VTI1B: variants seen among roughly 807,000 people sequenced by gnomAD.
VTI1B encodes vesicle transport through interaction with t-SNAREs homolog 1B.
A neutral mutation model predicts 28.6 loss-of-function variants in VTI1B; 18 were observed. The ratio of observed to expected loss-of-function variants is 0.63; its 90% CI spans 0.43 to 0.93. The LOEUF is 0.93. Among genes scored for constraint, VTI1B ranks in the 40% least tolerant of loss-of-function variants. VTI1B has a pLI of 0.00. For synonymous variants in VTI1B, 100 were observed against 107.9 expected (o/e 0.93, Z 0.46); for missense variants, 283 against 297.0 (o/e 0.95, Z 0.35).
chr14:67,659,469 CTG>C (rs1018609167), intron 3 of VTI1B, among the ~76,000 whole-genome samples: 8 of 151,308 alleles, frequency 5.3e-5, no homozygotes, highest in African/African-American at 1.9e-4. Context: ...ATACAAAGCA[CTG>C]TTTTTTTTTT....
chr14:67,651,447 T>C lies in VTI1B; in HGVS notation c.637A>G (p.Ile213Val), dbSNP rs1199905824. 1 of 1,613,844 alleles carries C rather than the reference T, an allele frequency of 6.2e-7. No homozygotes were observed. The highest frequency in any genetic ancestry group is 1.3e-5 in the African/African-American group (1 of 75,020). Residue 213 changes from isoleucine to valine, a missense_variant, in exon 6 of 6, where the codon ATC becomes GTC. Physicochemically the swap from Ile to Val is conservative, Grantham distance 29. Transcript: ENST00000554659. ...TTNKLLLSII[I>V]LLELAILGGL... The stretch of plus-strand genomic sequence containing the variant: ...CCCAGGATGGCGAGCTCCAGTAAGA[T>C]GATAATGGAAAGCAGCAGCTTGTTG...
At chr14:67,663,095 T>G in intron 1 of VTI1B, 3 of 1,507,030 alleles carry the variant, frequency 2.0e-6, no homozygotes, top group Non-Finnish European at 2.6e-6. Flanking sequence ...GGCAATGACT[T>G]GAACGATGAG....
At chr14:67,655,747 C>A (rs1269923897) in intron 4 of VTI1B, among the ~76,000 whole-genome samples, 1 of 152,166 alleles carries the variant, frequency 6.6e-6, no homozygotes, top group African/African-American at 2.4e-5. Flanking sequence ...GCTTTGAATC[C>A]TTAAGTGCCT....
At chr14:67,660,554 T>C (rs1346174500) in intron 2 of VTI1B, among the ~76,000 whole-genome samples, 1 of 152,204 alleles carries the variant, frequency 6.6e-6, no homozygotes. Flanking sequence ...TTAAAAATGA[T>C]AGGGGTCTGG....
At chr14:67,658,471 C>T (rs557076555) in intron 3 of VTI1B, among the ~76,000 whole-genome samples, 4 of 152,228 alleles carry the variant, frequency 2.6e-5, no homozygotes, top group East Asian at 1.9e-4. Context: ...GTGGTGGGCG[C>T]CTGTAGTCCC....
intron 1 of VTI1B, among the ~76,000 whole-genome samples, chr14:67,663,678 T>A (rs1051899837): frequency 6.6e-6 from 1 of 151,884 alleles, no homozygotes; most frequent in Non-Finnish European, 1.5e-5. Context: ...CATTTCAAAA[T>A]AAATAAATAA....
At position 67,651,272 on chromosome 14, in the gene VTI1B, T is replaced by C. The variant is rs1469803432; in HGVS notation, c.*113A>G. ...CTCCTCCCACAGCCTGGCTATACAG[T>C]GCATCCTTGAACTGTCAGCCCACAG... On this transcript the variant is annotated 3_prime_UTR_variant, in exon 6 of 6. Coordinates refer to ENST00000554659, the MANE Select transcript of VTI1B (RefSeq NM_006370.3). 1.9e-6 allele frequency: 3 copies of C among 1,588,566 alleles called. No homozygotes were observed. The highest frequency in any genetic ancestry group is 2.6e-6 in the Non-Finnish European group (3 of 1,168,200).
chr14:67,653,671 A>C (rs1327894621), intron 4 of VTI1B, among the ~76,000 whole-genome samples, 173 bp from the exon 5 acceptor site: 2 of 152,234 alleles, frequency 1.3e-5, no homozygotes, highest in African/African-American at 4.8e-5. Context: ...AAAGGACAAG[A>C]TATTTTAGTA....
At chr14:67,664,952 C>T (rs2037382257) in intron 1 of VTI1B, among the ~76,000 whole-genome samples, 1 of 152,158 alleles carries the variant, frequency 6.6e-6, no homozygotes, top group African/African-American at 2.4e-5. Flanking sequence ...CTGCAAACTC[C>T]AACTCCTGGG....
chr14:67,660,711 T>C (rs2037323675), intron 2 of VTI1B, among the ~76,000 whole-genome samples: 1 of 152,210 alleles, frequency 6.6e-6, no homozygotes. Context: ...ATGTAACACC[T>C]GGACACATCC....
Position 67,664,522 on chromosome 14 carries a change from A to G in VTI1B, c.116-1987T>C, listed in dbSNP as rs1440219483. ...AATTTTTTTTTTTTTCTTGAGACAGAGTCTTGCTCTGTCTCCCAGGCTGGA... is the reference window on the plus strand; with the variant it reads ...AATTTTTTTTTTTTTCTTGAGACAGGGTCTTGCTCTGTCTCCCAGGCTGGA... On this transcript the variant is annotated intron_variant, in intron 1 of 5. Coordinates refer to ENST00000554659, the MANE Select transcript of VTI1B (RefSeq NM_006370.3). 2.0e-5 allele frequency among the ~76,000 whole-genome samples: 3 copies of G among 148,898 alleles called. No homozygotes were observed. The East Asian group carries it at 5.9e-4, about 29-fold the overall frequency.
chr14:67,664,421 A>G (rs1203042484), intron 1 of VTI1B, among the ~76,000 whole-genome samples: 1 of 152,108 alleles, frequency 6.6e-6, no homozygotes, highest in Admixed American at 6.5e-5. Context: ...GTATGGGGAT[A>G]TGGCCTTTTA....
chr14:67,662,855 A>T (rs1366250650), intron 1 of VTI1B, among the ~76,000 whole-genome samples: 1 of 144,122 alleles, frequency 6.9e-6, no homozygotes, highest in African/African-American at 2.6e-5. Flanking sequence ...ATGAGCCGAG[A>T]TTGCGCCATT....
In VTI1B at chr14:67,673,490, T is replaced by TC. The variant is rs555654703; in HGVS notation, c.115+884dup. On this transcript the variant is annotated intron_variant, in intron 1 of 5. Coordinates refer to ENST00000554659, the MANE Select transcript of VTI1B (RefSeq NM_006370.3). Reference sequence around the variant, plus strand: ...ACCCACTAGAATGGGGATGTTCGTATCTTTTTCACTGTAATTTGCAATATT... The same window carrying TC: ...ACCCACTAGAATGGGGATGTTCGTATCCTTTTTCACTGTAATTTGCAATATT... Among the ~76,000 whole-genome samples the TC allele has an allele frequency of 6.8e-3, 1,039 of 152,350 alleles. 9 individuals carry two copies. Among genetic ancestry groups the TC allele is most frequent in the Non-Finnish European group, 7.9e-3 (535 of 68,044 alleles).
chr14:67,674,376 G>A lies in VTI1B; in HGVS notation c.114C>T (p.Thr38=), dbSNP rs776719607. The change falls in exon 1 of 6, where the codon ACC becomes ACT. Residue 38 remains threonine (T), a splice_region_variant and synonymous_variant. Transcript: ENST00000554659. ...CGGCGTGGCCCACCCCCGCCTCACC[G>A]GTCCCCGCCGTCCCCAGCAGCCGCT... ...VPERLLGTAG[T]EEKKKLIRDF... The A allele has an allele frequency of 2.5e-6, 4 of 1,591,380 alleles. No individual in the cohort carries two copies. The highest frequency in any genetic ancestry group is 1.8e-5 in the Admixed American group (1 of 56,938).
Position 67,651,395 on chromosome 14 carries a change from C to T in VTI1B, c.689G>A (p.Arg230His), listed in dbSNP as rs747340036. The T allele has an allele frequency of 2.5e-5, 40 of 1,613,562 alleles. No homozygotes were observed. The highest frequency in any genetic ancestry group is 1.1e-4 in the East Asian group (5 of 44,868). The change falls in exon 6 of 6, where the codon CGC (arginine) becomes CAC (histidine). Residue 230 changes from arginine to histidine, a missense_variant. Arg to His is a conservative substitution (Grantham distance 29). Coordinates refer to ENST00000554659, the MANE Select transcript of VTI1B (RefSeq NM_006370.3). ...CTTCCCTATAGAAGTTCAATGGCTG[C>T]GAAAGAATTTGTAGTAAACCAGGCC... is the stretch of plus-strand genomic sequence containing the variant. ...LGGLVYYKFF[R>H]SH
chr14:67,662,030 C>A (rs539854881), intron 2 of VTI1B, among the ~76,000 whole-genome samples: 2 of 152,094 alleles, frequency 1.3e-5, no homozygotes, highest in Non-Finnish European at 2.9e-5. Flanking sequence ...GTGGCGCCCA[C>A]CTGTATTCCC....
intron 5 of VTI1B, among the ~76,000 whole-genome samples, chr14:67,652,884 C>T (rs573237998): frequency 5.3e-5 from 8 of 152,178 alleles, no homozygotes; most frequent in African/African-American, 1.7e-4. Flanking sequence ...ACCTCCACCC[C>T]CCAGGTTCAA....
At chr14:67,658,191 G>A (rs111433177) in intron 3 of VTI1B, among the ~76,000 whole-genome samples, 78 of 150,578 alleles carry the variant, frequency 5.2e-4, no homozygotes, top group African/African-American at 1.7e-3. Context: ...ATTTTCAACT[G>A]AGTAGGCTAA....
Sources: allele counts gnomAD v4.1 joint callset (sites outside exome capture counted in the v4.1 genomes callset), GRCh38; gene constraint gnomAD v4.1.1; transcripts MANE v1.5; gene names NCBI Gene and HGNC (gene_info 2026-07-23, HGNC 2026-07-21).